Variants in DNAJB6 observed in about 807,000 individuals in gnomAD.
The protein encoded by DNAJB6 is DnaJ heat shock protein family (Hsp40) member B6.
In DNAJB6, 16 loss-of-function variants were observed where a neutral mutation model predicts 42.7. The ratio of observed to expected loss-of-function variants is 0.37; its 90% CI spans 0.25 to 0.57. The LOEUF (loss-of-function observed/expected upper bound fraction) is 0.57, where lower values mean the gene tolerates loss of function less well. Among genes scored for constraint, DNAJB6 ranks in the 20% least tolerant of loss-of-function variants. DNAJB6 has a pLI of 0.74. For synonymous variants in DNAJB6, 170 were observed against 163.5 expected (o/e 1.04, Z -0.30); for missense variants, 347 against 416.8 (o/e 0.83, Z 1.46).
intron 8 of DNAJB6, among the ~76,000 whole-genome samples, chr7:157,399,669 A>C (rs1172639676): frequency 2.7e-5 from 4 of 150,752 alleles, no homozygotes; most frequent in Non-Finnish European, 4.4e-5. Context: ...CTCTCTCTCT[A>C]TCTGTATTTT....
At chr7:157,401,017 C>T (rs953474738) in intron 8 of DNAJB6, among the ~76,000 whole-genome samples, 10 of 152,114 alleles carry the variant, frequency 6.6e-5, no homozygotes, top group East Asian at 1.9e-4. Flanking sequence ...GGGACTTACC[C>T]GCTGTGGTCC....
intron 1 of DNAJB6, among the ~76,000 whole-genome samples, chr7:157,340,998 G>GTGTGTGTGTGCGCGCGCGCGCGCGCGCT (rs67210462): frequency 1.5e-5 from 2 of 135,046 alleles, no homozygotes; most frequent in Non-Finnish European, 3.1e-5. Flanking sequence ...GTGTGTGTGT[G>GTGTGTGTGTGCGCGCGCGCGCGCGCGCT]CGCGCGCGCA....
intron 2 of DNAJB6, 145 bp downstream of exon 2, chr7:157,358,782 A>C (rs1348008630): frequency 9.0e-6 from 6 of 668,496 alleles, no homozygotes; most frequent in Non-Finnish European, 1.6e-5. Context: ...TTGACAGAGC[A>C]GTTAACGAGC....
At chr7:157,366,037 G>A (rs896963623) in intron 3 of DNAJB6, among the ~76,000 whole-genome samples, 3 of 152,058 alleles carry the variant, frequency 2.0e-5, no homozygotes, top group African/African-American at 7.2e-5. Flanking sequence ...CACAAACTCC[G>A]CCTCCCGGGT....
In DNAJB6 at chr7:157,416,138, G is replaced by C. The variant is rs767669570; in HGVS notation, c.*40G>C. 177 of 1,595,760 alleles carry C rather than the reference G, an allele frequency of 1.1e-4. No individual in the cohort carries two copies. Among genetic ancestry groups the C allele is most frequent in the Non-Finnish European group, 1.4e-4 (160 of 1,170,250 alleles). On this transcript the variant is annotated 3_prime_UTR_variant, in exon 10 of 10. Coordinates refer to ENST00000262177, the MANE Select transcript of DNAJB6 (RefSeq NM_058246.4). ...ACGCGGTGCACCCCCAGACGCTGGC[G>C]CTCCACCGTGCTCGGCATGCGGTCG...
rs146538704 is a variant in DNAJB6, at chr7:157,390,666, C to A, written c.691+5055C>A. 7.6e-4 allele frequency among the ~76,000 whole-genome samples: 115 copies of A among 152,284 alleles called. 1 individual carries two copies. Among genetic ancestry groups the A allele is most frequent in the African/African-American group, 2.7e-3 (111 of 41,558 alleles). On this transcript the variant is annotated intron_variant, in intron 8 of 9. Coordinates refer to ENST00000262177, the MANE Select transcript of DNAJB6 (RefSeq NM_058246.4). ...TGTGGTTTGCTTCCCGTGTGGTCAG[C>A]GCTGTGCTGCGAGCTCTGAGAGGTG...
intron 1 of DNAJB6, among the ~76,000 whole-genome samples, chr7:157,349,848 A>G (rs1798878122): frequency 6.6e-6 from 1 of 152,042 alleles, no homozygotes; most frequent in Non-Finnish European, 1.5e-5. Context: ...TCGTCATGTC[A>G]GCCAGGCTGG....
intron 1 of DNAJB6, among the ~76,000 whole-genome samples, chr7:157,340,253 C>G (rs1347895677): frequency 6.6e-6 from 1 of 152,142 alleles, no homozygotes; most frequent in African/African-American, 2.4e-5. Context: ...AGAAATGATT[C>G]TGTTCAAAAT....
At chr7:157,392,134 T>A (rs1209862462) in intron 8 of DNAJB6, among the ~76,000 whole-genome samples, 2 of 150,124 alleles carry the variant, frequency 1.3e-5, no homozygotes, top group Non-Finnish European at 3.0e-5. Context: ...TCATAAATGA[T>A]TTCTTAGAAG....
rs902019051 is a variant in DNAJB6, at chr7:157,340,997, T to TGTGCGCGC, written c.-27+3854_-27+3855insTGCGCGCG. Among the ~76,000 whole-genome samples, 122 of 118,390 alleles carry TGTGCGCGC rather than the reference T, an allele frequency of 1.0e-3. 1 individual carries two copies. The highest frequency in any genetic ancestry group is 2.8e-3 in the African/African-American group (97 of 35,272). 77.7% of individuals were successfully genotyped at this position (118,390 alleles called of 152,430 possible). The stretch of plus-strand genomic sequence containing the variant: ...GTGTGTGTGTGTGTGTGTGTGTGTG[T>TGTGCGCGC]GCGCGCGCGCAGGTGGAATCACCCT... On this transcript the variant is annotated intron_variant, in intron 1 of 9. Transcript: ENST00000262177.
intron 8 of DNAJB6, among the ~76,000 whole-genome samples, chr7:157,406,951 C>G (rs1468015303): frequency 6.6e-6 from 1 of 152,206 alleles, no homozygotes; most frequent in Non-Finnish European, 1.5e-5. Flanking sequence ...GGGCGGGAAG[C>G]CCTGGTCGAG....
At chr7:157,395,970 C>A (rs868474841) in intron 8 of DNAJB6, among the ~76,000 whole-genome samples, 1 of 132,308 alleles carries the variant, frequency 7.6e-6, no homozygotes, top group Non-Finnish European at 1.6e-5. Flanking sequence ...TTTTTGGAGA[C>A]GTAGTCTTAC....
intron 1 of DNAJB6, among the ~76,000 whole-genome samples, chr7:157,350,215 G>A (rs550924182): frequency 7.2e-5 from 11 of 152,268 alleles, no homozygotes; most frequent in East Asian, 3.9e-4. Flanking sequence ...TTGGACTGGG[G>A]GCACTAAGAC....
At chr7:157,402,428 C>G (rs1795563291) in intron 8 of DNAJB6, among the ~76,000 whole-genome samples, 1 of 152,246 alleles carries the variant, frequency 6.6e-6, no homozygotes, top group South Asian at 2.1e-4. Flanking sequence ...ACCTGCCATG[C>G]TCTCTTGCTG....
intron 1 of DNAJB6, among the ~76,000 whole-genome samples, chr7:157,357,988 T>A (rs868022970): frequency 6.6e-6 from 1 of 152,132 alleles, no homozygotes; most frequent in Non-Finnish European, 1.5e-5. Context: ...CTAACTGCTG[T>A]GTAGTCAAAG....
At chr7:157,383,792 TCAG>T (rs1285314470) in intron 6 of DNAJB6, among the ~76,000 whole-genome samples, 10 of 152,138 alleles carry the variant, frequency 6.6e-5, no homozygotes, top group Non-Finnish European at 1.0e-4. Flanking sequence ...CTAACGGAGA[TCAG>T]CAGGAGTGTG....
intron 1 of DNAJB6, among the ~76,000 whole-genome samples, chr7:157,345,794 GT>G (rs1798652880): frequency 6.6e-6 from 1 of 152,150 alleles, no homozygotes; most frequent in Non-Finnish European, 1.5e-5. Flanking sequence ...TTTTAAAAAG[GT>G]TTTTGCCAAG....
intron 1 of DNAJB6, among the ~76,000 whole-genome samples, chr7:157,353,619 G>GTGTGTGTGTGTGTGTGTGTA (rs765489885): frequency 7.3e-4 from 107 of 146,950 alleles, no homozygotes; most frequent in African/African-American, 2.1e-3. Flanking sequence ...GTGTGTGTGT[G>GTGTGTGTGTGTGTGTGTGTA]TGTATGTATT....
At chr7:157,340,943 G>A (rs1428281832) in intron 1 of DNAJB6, among the ~76,000 whole-genome samples, 1 of 151,608 alleles carries the variant, frequency 6.6e-6, no homozygotes, top group Non-Finnish European at 1.5e-5. Flanking sequence ...TGGGATTACA[G>A]GCGTGACCCA....
Sources: allele counts gnomAD v4.1 joint callset (sites outside exome capture counted in the v4.1 genomes callset), GRCh38; gene constraint gnomAD v4.1.1; transcripts MANE v1.5; gene names NCBI Gene and HGNC (gene_info 2026-07-23, HGNC 2026-07-21).